The following PTPRA variants were observed in gnomAD, a reference collection of about 807,000 sequenced individuals.
The protein encoded by PTPRA is receptor-type tyrosine-protein phosphatase alpha.
A neutral mutation model predicts 104.8 loss-of-function variants in PTPRA; 25 were observed. The observed-to-expected ratio is 0.24, with a 90% CI of 0.17 to 0.33. The LOEUF (loss-of-function observed/expected upper bound fraction) is 0.33. Among genes scored for constraint, PTPRA ranks in the 10% least tolerant of loss-of-function variants. The probability of loss-of-function intolerance (pLI) is 1.00; values close to 1 mark genes in which losing one functional copy is unlikely to be tolerated. For synonymous variants in PTPRA, 323 were observed against 368.9 expected (o/e 0.88, Z 1.43); for missense variants, 765 against 1,015.3 (o/e 0.75, Z 3.35).
intron 11 of PTPRA, among the ~76,000 whole-genome samples, chr20:3,012,253 C>T (rs1397125625): frequency 6.6e-6 from 1 of 152,108 alleles, no homozygotes; most frequent in Non-Finnish European, 1.5e-5. Context: ...ATCACTGGGG[C>T]TATCATGTAC....
chr20:2,919,809 G>A (rs1046517796), intron 1 of PTPRA, among the ~76,000 whole-genome samples: 5 of 152,142 alleles, frequency 3.3e-5, no homozygotes, highest in Non-Finnish European at 4.4e-5. Flanking sequence ...GACCTGGATT[G>A]GCAAACTACA....
intron 1 of PTPRA, among the ~76,000 whole-genome samples, chr20:2,918,546 G>T (rs1010921697): frequency 3.3e-5 from 5 of 152,148 alleles, no homozygotes; most frequent in African/African-American, 9.7e-5. Context: ...TGTGGACAAG[G>T]TTTTATTTCC....
chr20:2,977,462 A>G (rs1301358661), intron 6 of PTPRA, among the ~76,000 whole-genome samples: 1 of 151,974 alleles, frequency 6.6e-6, no homozygotes, highest in Non-Finnish European at 1.5e-5. Flanking sequence ...CCTGAGCAAT[A>G]TGGGGAAACC....
At chr20:2,966,415 TAAA>T (rs2061949230) in intron 5 of PTPRA, among the ~76,000 whole-genome samples, 1 of 152,236 alleles carries the variant, frequency 6.6e-6, no homozygotes, top group Non-Finnish European at 1.5e-5. Context: ...AAAGCACTTA[TAAA>T]GGTGCCTACA....
intron 9 of PTPRA, among the ~76,000 whole-genome samples, chr20:2,991,123 C>A (rs1243122179): frequency 5.3e-5 from 8 of 152,008 alleles, no homozygotes; most frequent in Admixed American, 5.2e-4. Flanking sequence ...GGAGGCCAAG[C>A]CAGGCAGATC....
chr20:2,911,200 T>C (rs1156364113), intron 1 of PTPRA, among the ~76,000 whole-genome samples: 1 of 152,192 alleles, frequency 6.6e-6, no homozygotes, highest in South Asian at 2.1e-4. Flanking sequence ...TTTGGTAGGA[T>C]TCCAGATTTT....
chr20:2,994,634 G>C (rs2063327520), intron 9 of PTPRA, among the ~76,000 whole-genome samples: 1 of 152,196 alleles, frequency 6.6e-6, no homozygotes, highest in South Asian at 2.1e-4. Flanking sequence ...GTAGAAGGCT[G>C]AGCCTTTAGA....
intron 11 of PTPRA, among the ~76,000 whole-genome samples, chr20:3,011,611 A>C (rs913453054): frequency 6.6e-6 from 1 of 152,238 alleles, no homozygotes; most frequent in Non-Finnish European, 1.5e-5. Flanking sequence ...CAGAGACTAG[A>C]AACAGCAGTC....
rs2065782078 is a variant in PTPRA, at chr20:3,035,978, G to A, written c.2198+37G>A. On this transcript the variant is annotated intron_variant, in intron 22 of 23. Coordinates refer to ENST00000399903, the MANE Select transcript of PTPRA (RefSeq NM_001385305.1). The surrounding 1 kb of genome is among the most constrained non-coding windows in gnomAD (Gnocchi z 5.8). Reference sequence around the variant, plus strand: ...CCTTGCCCTCAGCGGGAGAGAGAAAGCGAGGAGGGGCAGATAGGGGAAGCT... The same window carrying A: ...CCTTGCCCTCAGCGGGAGAGAGAAAACGAGGAGGGGCAGATAGGGGAAGCT... 2 of 1,611,444 alleles carry A rather than the reference G, an allele frequency of 1.2e-6. No homozygotes were observed. Among genetic ancestry groups the A allele is most frequent in the African/African-American group, 1.3e-5 (1 of 74,882 alleles).
chr20:2,868,106 C>T, the PTPRA span, among the ~76,000 whole-genome samples: 1 of 152,082 alleles, frequency 6.6e-6, no homozygotes, highest in Admixed American at 6.5e-5. Flanking sequence ...TTCACTGGGA[C>T]CTTAGCTGGG....
chr20:3,037,067 C>T lies in PTPRA; in HGVS notation c.2199-87C>T. 3 of 1,547,864 alleles carry T rather than the reference C, an allele frequency of 1.9e-6. No homozygotes were observed. The highest frequency in any genetic ancestry group is 1.2e-5 in the South Asian group (1 of 81,268). The stretch of plus-strand genomic sequence containing the variant: ...AAAGGCGAGCACCAGCTGCCTGCCC[C>T]CACCTCTTCTGCCACTCACCACTGT... On this transcript the variant is annotated intron_variant, in intron 22 of 23. Coordinates refer to ENST00000399903, the MANE Select transcript of PTPRA (RefSeq NM_001385305.1). This position sits in a 1 kb window ranked among gnomAD's most constrained non-coding sequence, Gnocchi z 4.3.
At chr20:2,936,726 G>A (rs1315611025) in intron 2 of PTPRA, among the ~76,000 whole-genome samples, 2 of 152,174 alleles carry the variant, frequency 1.3e-5, no homozygotes, top group Non-Finnish European at 2.9e-5. Context: ...ACCTACCTTG[G>A]TCTCCCAAAG....
intron 1 of PTPRA, among the ~76,000 whole-genome samples, chr20:2,876,793 CT>C (rs1053538227): frequency 8.5e-5 from 13 of 152,334 alleles, no homozygotes; most frequent in Admixed American, 5.9e-4. Flanking sequence ...AATTTATCCT[CT>C]CCCCCAAAGT....
chr20:3,006,966 G>A (rs751704614), intron 10 of PTPRA, among the ~76,000 whole-genome samples: 2 of 151,848 alleles, frequency 1.3e-5, no homozygotes, highest in African/African-American at 4.8e-5. Flanking sequence ...TGGAGGAGGG[G>A]GATGTGTGTA....
intron 12 of PTPRA, 40 bp downstream of exon 12, chr20:3,015,925 GA>G (rs763864170): frequency 2.6e-6 from 4 of 1,527,866 alleles, no homozygotes; most frequent in Non-Finnish European, 3.6e-6. Flanking sequence ...ATTTAACCAT[GA>G]TCACATAATG....
In PTPRA at chr20:2,933,196, G is replaced by A. The variant is rs551456688; in HGVS notation, c.-50+9911G>A. 3.9e-5 allele frequency among the ~76,000 whole-genome samples: 6 copies of A among 152,068 alleles called. No homozygotes were observed. In the South Asian group the frequency reaches 1.2e-3, roughly 32 times the overall value. ...TTTATAAATACATGCCTATTTGAGA[G>A]GTAAGAAAAGTACCATGTTGCTTTA... On this transcript the variant is annotated intron_variant, in intron 2 of 23. Transcript: ENST00000399903.
chr20:2,865,483 C>G, the PTPRA span: 254 of 1,613,890 alleles, frequency 1.6e-4, no homozygotes, highest in East Asian at 5.1e-3. This position sits in a 1 kb window ranked among gnomAD's most constrained non-coding sequence, Gnocchi z 5.2. Flanking sequence ...AGAAATCACC[C>G]ATTGGCTACC....
intron 9 of PTPRA, among the ~76,000 whole-genome samples, chr20:3,000,769 T>A (rs1246728957): frequency 6.6e-6 from 1 of 152,204 alleles, no homozygotes; most frequent in African/African-American, 2.4e-5. Context: ...AACTCACCAC[T>A]TAATCATGAT....
At chr20:3,031,359 T>C (rs918564791) in intron 20 of PTPRA, among the ~76,000 whole-genome samples, 4 of 151,764 alleles carry the variant, frequency 2.6e-5, no homozygotes, top group African/African-American at 9.7e-5. Context: ...AAATCTGAGA[T>C]GAAACTCCAG....
Sources: gnomAD v4.1 joint callset for allele counts (sites outside exome capture counted in the v4.1 genomes callset) on GRCh38, gnomAD v4.1.1 for gene constraint, Gnocchi (gnomAD v3.1) non-coding constraint, MANE v1.5 for transcripts, NCBI Gene and HGNC (gene_info 2026-07-23, HGNC 2026-07-21) for gene names.